Variants in FDFT1 observed in about 807,000 individuals in gnomAD.
FDFT1 encodes the protein farnesyl-diphosphate farnesyltransferase 1, also known as squalene synthase.
In FDFT1, 68 loss-of-function variants were observed where a neutral mutation model predicts 46.8. The ratio of observed to expected loss-of-function variants is 1.45; its 90% CI spans 1.19 to 1.78. The LOEUF is 1.78. Ranked by LOEUF, FDFT1 falls within the 40% of genes most tolerant of loss-of-function variation. The pLI is 0.00. For synonymous variants in FDFT1, 351 were observed against 185.1 expected (o/e 1.90, Z -7.28); for missense variants, 928 against 524.4 (o/e 1.77, Z -7.52).
Position 11,808,473 on chromosome 8 carries a change from T to A in FDFT1, c.100-321T>A, listed in dbSNP as rs931191684. On this transcript the variant is annotated intron_variant, in intron 1 of 7. Transcript: ENST00000220584. ...CCCCTCGTCGGGCGCTTCCCAGATC[T>A]GCTTGAGTCTATGGAGGAAAAACTC... 3.6e-5 allele frequency: 46 copies of A among 1,292,064 alleles called. No individual in the cohort carries two copies. In the African/African-American group the frequency reaches 6.6e-4, roughly 19 times the overall value. 80.0% of individuals were successfully genotyped at this position (1,292,064 alleles called of 1,614,324 possible). A position where few individuals can be genotyped will look rare whatever the true frequency, so the allele number is the denominator to read the frequency against.
intron 7 of FDFT1, among the ~76,000 whole-genome samples, chr8:11,836,692 T>G (rs568481280): frequency 6.6e-6 from 1 of 152,378 alleles, no homozygotes; most frequent in Non-Finnish European, 1.5e-5. Context: ...AAGGATGACT[T>G]CTAATAGAAT....
intron 5 of FDFT1, among the ~76,000 whole-genome samples, chr8:11,829,818 T>C (rs371855403): frequency 4.6e-5 from 7 of 151,770 alleles, no homozygotes; most frequent in African/African-American, 1.5e-4. Flanking sequence ...TAAGAGACTT[T>C]ACTGTATATC....
At chr8:11,818,495 T>C (rs1204616199) in intron 3 of FDFT1, among the ~76,000 whole-genome samples, 2 of 152,212 alleles carry the variant, frequency 1.3e-5, no homozygotes, top group Admixed American at 1.3e-4. Flanking sequence ...TGAGAGACTT[T>C]AAGTCTTTTT....
intron 1 of FDFT1, chr8:11,808,390 G>A (rs1807174675): frequency 1.6e-6 from 2 of 1,235,260 alleles, no homozygotes; most frequent in Admixed American, 4.2e-5. Context: ...GGGGCTGCGG[G>A]GCGGGCCCGT....
At position 11,826,051 on chromosome 8, in the gene FDFT1, G is replaced by A. The variant is rs780339430; in HGVS notation, c.538G>A (p.Gly180Arg). 2 of 1,597,880 alleles carry A rather than the reference G, an allele frequency of 1.3e-6. No homozygotes were observed. The highest frequency in any genetic ancestry group is 8.6e-7 in the Non-Finnish European group (1 of 1,168,286). Residue 180 changes from glycine to arginine, a missense_variant, in exon 5 of 8, where the codon GGA becomes AGA. Coordinates refer to ENST00000220584, the MANE Select transcript of FDFT1 (RefSeq NM_004462.5). ...KYCHYVAGLV[G>R]IGLSRLFSAS... Reference sequence around the variant, plus strand: ...CTGCCACTATGTTGCTGGGCTGGTCGGAATTGGCCTTTCCCGTCTTTTCTC... The same window carrying A: ...CTGCCACTATGTTGCTGGGCTGGTCAGAATTGGCCTTTCCCGTCTTTTCTC...
intron 5 of FDFT1, among the ~76,000 whole-genome samples, chr8:11,828,789 T>C (rs1004060843): frequency 6.6e-6 from 1 of 152,260 alleles, no homozygotes; most frequent in Non-Finnish European, 1.5e-5. Context: ...GATTGGCTTC[T>C]TTTGCTAGCA....
intron 4 of FDFT1, 132 bp downstream of exon 4, chr8:11,822,010 T>C (rs1809321445): frequency 9.6e-7 from 1 of 1,038,360 alleles, no homozygotes; most frequent in East Asian, 2.7e-5. Context: ...CTGTTTAGGT[T>C]GAATGTCTCA....
Position 11,838,609 on chromosome 8 carries a change from A to T in FDFT1, c.1254A>T (p.Ter418CysextTer6), listed in dbSNP as rs776013215. 2.3e-5 allele frequency: 37 copies of T among 1,611,308 alleles called. No individual in the cohort carries two copies. The highest frequency in any genetic ancestry group is 3.1e-5 in the Non-Finnish European group (37 of 1,177,506). Residue 418 changes from the stop codon to cysteine, a stop_lost, in exon 8 of 8, where the codon TGA becomes TGT. Coordinates refer to ENST00000220584, the MANE Select transcript of FDFT1 (RefSeq NM_004462.5). ...ACTATGTTCAGACTGGAGAACACTG[A>T]TCCCAAATTTGTCCATAGCTGAAGT... Reference protein sequence around the residue: ...TEDYVQTGEH* With the variant: ...TEDYVQTGEHC
At chr8:11,822,879 C>A (rs933352318) in intron 4 of FDFT1, among the ~76,000 whole-genome samples, 43 of 152,284 alleles carry the variant, frequency 2.8e-4, no homozygotes, top group African/African-American at 9.9e-4. Flanking sequence ...GATAGTAACT[C>A]ATTTTCTGTT....
chr8:11,803,066 C>T (rs529873557), intron 1 of FDFT1, 135 bp downstream of exon 1: 2 of 1,452,468 alleles, frequency 1.4e-6, no homozygotes, highest in Middle Eastern at 2.5e-4. Flanking sequence ...TCCCGTCCCC[C>T]TTTCCTCGAG....
chr8:11,798,522 G>C (rs1805792494), upstream of FDFT1, among the ~76,000 whole-genome samples: 1 of 152,224 alleles, frequency 6.6e-6, no homozygotes, highest in Non-Finnish European at 1.5e-5. Context: ...CACAGGACTT[G>C]ATGAATGATT....
chr8:11,837,221 G>C (rs1310162863), intron 7 of FDFT1, among the ~76,000 whole-genome samples: 1 of 151,960 alleles, frequency 6.6e-6, no homozygotes, highest in African/African-American at 2.4e-5. Context: ...ACAGTAGACA[G>C]TTGTTCTTTT....
rs1206803086 is a variant in FDFT1 at position 11,808,856 on chromosome 8, C to T, written c.162C>T (p.Phe54=). 2 of 1,614,050 alleles carry T rather than the reference C, an allele frequency of 1.2e-6. No homozygotes were observed. Among genetic ancestry groups the T allele is most frequent in the East Asian group, 2.2e-5 (1 of 44,876 alleles). The change falls in exon 2 of 8, where the codon TTC becomes TTT. Residue 54 remains phenylalanine, a synonymous_variant. Transcript: ENST00000220584. ...YKYLNQTSRS[F]AAVIQALDGE... ...ATCTCAATCAGACCAGTCGCAGTTTCGCAGCTGTTATCCAGGCGCTGGATG... is the reference window on the plus strand; with the variant it reads ...ATCTCAATCAGACCAGTCGCAGTTTTGCAGCTGTTATCCAGGCGCTGGATG...
chr8:11,818,621 T>G (rs1808794873), intron 3 of FDFT1, among the ~76,000 whole-genome samples: 1 of 152,222 alleles, frequency 6.6e-6, no homozygotes, highest in African/African-American at 2.4e-5. Context: ...TGTAGTGGCC[T>G]TCTTTGTCTC....
At chr8:11,825,699 A>T (rs1392512646) in intron 4 of FDFT1, among the ~76,000 whole-genome samples, 5 of 145,248 alleles carry the variant, frequency 3.4e-5, no homozygotes, top group South Asian at 4.2e-4. Flanking sequence ...AAAAAAAATA[A>T]AAAATAAAAA....
chr8:11,808,412 C>A lies in FDFT1; in HGVS notation c.100-382C>A, dbSNP rs1807180017. The A allele has an allele frequency of 7.2e-6, 9 of 1,254,982 alleles. No homozygotes were observed. The South Asian group carries it at 2.4e-4, about 34-fold the overall frequency. 77.7% of individuals were successfully genotyped at this position (1,254,982 alleles called of 1,614,324 possible). A position where few individuals can be genotyped will look rare whatever the true frequency, so the allele number is the denominator to read the frequency against. ...CGGGGCGGGCCCGTTGTGGGTCGGC[C>A]CAGCGCGTATTCGAGTAGAGGGCGA... is the stretch of plus-strand genomic sequence containing the variant. On this transcript the variant is annotated intron_variant, in intron 1 of 7. Coordinates refer to ENST00000220584, the MANE Select transcript of FDFT1 (RefSeq NM_004462.5).
chr8:11,831,749 A>G, intron 7 of FDFT1, 79 bp downstream of exon 7: 2 of 1,155,092 alleles, frequency 1.7e-6, no homozygotes, highest in Non-Finnish European at 2.6e-6. Flanking sequence ...CCAGGTTTGG[A>G]TATTAGATGA....
At position 11,803,313 on chromosome 8, in the gene FDFT1, A is replaced by G. The variant is rs776966079; in HGVS notation, c.99+382A>G. ...GTGAGTTTTTTGGTAAGCGGAATGA[A>G]CTATGCAGATAACATCACATGAAGG... On this transcript the variant is annotated intron_variant, in intron 1 of 7. Coordinates refer to ENST00000220584, the MANE Select transcript of FDFT1 (RefSeq NM_004462.5). 2.3e-6 allele frequency: 3 copies of G among 1,300,742 alleles called. No homozygotes were observed. The African/African-American group carries it at 4.5e-5, about 20-fold the overall frequency. 80.6% of individuals were successfully genotyped at this position (1,300,742 alleles called of 1,614,324 possible).
At chr8:11,833,514 C>T (rs762088863) in intron 7 of FDFT1, among the ~76,000 whole-genome samples, 1 of 152,206 alleles carries the variant, frequency 6.6e-6, no homozygotes, top group Non-Finnish European at 1.5e-5. Context: ...AGTTTTTAAA[C>T]ACTTTGTGGC....
Sources: allele counts gnomAD v4.1 joint callset (sites outside exome capture counted in the v4.1 genomes callset), GRCh38; gene constraint gnomAD v4.1.1; transcripts MANE v1.5; gene names NCBI Gene and HGNC (gene_info 2026-07-23, HGNC 2026-07-21).